INTS1: variants seen among roughly 807,000 people sequenced by gnomAD.
The protein encoded by INTS1 is integrator complex subunit 1.
Under a neutral mutation model 241.6 loss-of-function variants are expected in INTS1, and 137 were observed. That is an observed-to-expected ratio of 0.57 (90% CI 0.49 to 0.65). The LOEUF is 0.65. Among genes scored for constraint, INTS1 ranks in the 30% least tolerant of loss-of-function variants. The pLI, the probability that INTS1 is intolerant of heterozygous loss-of-function variation, is 0.00. For missense variants in INTS1, 3,073 were observed against 3,032.2 expected (o/e 1.01, Z -0.32); for synonymous variants, 1,692 against 1,337.8 (o/e 1.26, Z -5.78).
chr7:1,492,626 T>C (rs1782616443), intron 16 of INTS1, among the ~76,000 whole-genome samples: 1 of 152,264 alleles, frequency 6.6e-6, no homozygotes. Context: ...CATAAACTCG[T>C]TGTGTAAAAA....
intron 2 of INTS1, among the ~76,000 whole-genome samples, chr7:1,503,449 G>A (rs539964546): frequency 6.6e-6 from 1 of 152,090 alleles, no homozygotes; most frequent in Non-Finnish European, 1.5e-5. Context: ...AGTAACCCCC[G>A]CCCCGAGTTT....
In INTS1 at chr7:1,486,748, C is replaced by T. The variant is rs1782285352; in HGVS notation, c.2853G>A (p.Leu951=). ...CCAGTAGCAGGTCCTGCAGGCGGCCCAGCAGCTGCCGCTGCTTCTGTTGCC... is the reference window on the plus strand; with the variant it reads ...CCAGTAGCAGGTCCTGCAGGCGGCCTAGCAGCTGCCGCTGCTTCTGTTGCC... The part of the protein sequence containing the change: ...RQRQQKQRQL[L]GRLQDLLLGP... The change falls in exon 22 of 48, where the codon CTG becomes CTA. Residue 951 remains leucine, a synonymous_variant. Coordinates refer to ENST00000404767, the MANE Select transcript of INTS1 (RefSeq NM_001080453.3). 2 of 1,611,522 alleles carry T rather than the reference C, an allele frequency of 1.2e-6. No individual in the cohort carries two copies. The highest frequency in any genetic ancestry group is 1.7e-6 in the Non-Finnish European group (2 of 1,179,618).
intron 33 of INTS1, 59 bp downstream of exon 33, chr7:1,478,307 C>T: frequency 6.3e-7 from 1 of 1,585,900 alleles, no homozygotes; most frequent in Non-Finnish European, 8.6e-7. Context: ...TAGAAGGAGC[C>T]TCAGGTTTGG....
At chr7:1,483,705 C>T (rs1412736035) in intron 26 of INTS1, 37 bp downstream of exon 26, 2 of 1,543,378 alleles carry the variant, frequency 1.3e-6, no homozygotes, top group East Asian at 4.5e-5. Context: ...GCCCACCTGG[C>T]ACGAAGCTGC....
At chr7:1,487,636 A>G (rs2128539305) in intron 19 of INTS1, 124 bp downstream of exon 19, 1 of 1,325,410 alleles carries the variant, frequency 7.5e-7, no homozygotes. Context: ...GGGGCTCCAC[A>G]GGCCTTTCAG....
intron 31 of INTS1, 49 bp from the exon 32 acceptor site, chr7:1,478,934 G>A (rs559488431): frequency 3.2e-6 from 5 of 1,556,006 alleles, no homozygotes; most frequent in African/African-American, 2.7e-5. Flanking sequence ...GACACACGGG[G>A]ACCCGGCACC....
chr7:1,487,402 C>G lies in INTS1; in HGVS notation c.2564G>C (p.Ser855Thr), dbSNP rs1050653415. 3.7e-6 allele frequency: 6 copies of G among 1,612,118 alleles called. No homozygotes were observed. Among genetic ancestry groups the G allele is most frequent in the Non-Finnish European group, 5.1e-6 (6 of 1,179,498 alleles). The stretch of plus-strand genomic sequence containing the variant: ...CCCGAGGCGGAGGGACTGGTTGAGG[C>G]TTTTCACTTGATCCAGGATGTGAGG... ...PPPHILDQVK[S>T]LNQSLRLGHL... The change falls in exon 20 of 48, where the codon AGC becomes ACC. Residue 855 changes from serine (S) to threonine (T), a missense_variant. Physicochemically the swap from Ser to Thr is moderately conservative, Grantham distance 58 (BLOSUM62 1). Transcript: ENST00000404767.
chr7:1,501,498 C>T (rs1783179981), intron 3 of INTS1, among the ~76,000 whole-genome samples: 1 of 152,094 alleles, frequency 6.6e-6, no homozygotes, highest in Non-Finnish European at 1.5e-5. Context: ...GCAGCCATCT[C>T]TCTGTTTTGC....
intron 23 of INTS1, 37 bp from the exon 24 acceptor site, chr7:1,485,239 G>A (rs774105097): frequency 1.3e-6 from 2 of 1,597,754 alleles, no homozygotes; most frequent in Non-Finnish European, 1.7e-6. Flanking sequence ...AACAGGGCAG[G>A]GCTGCGGCCC....
In INTS1 at chr7:1,495,516, G is replaced by T; in HGVS notation, c.1749C>A (p.Ala583=). ...ACCAGACGGCATCCCGCTGGATGGC[G>T]GCAATCTGGTTCTGGAATGAGCGGA... ...EVLRSFQNQI[A]AIQRDAVWWL... The change falls in exon 13 of 48, where the codon GCC becomes GCA. Residue 583 remains alanine (A), a synonymous_variant. Coordinates refer to ENST00000404767, the MANE Select transcript of INTS1 (RefSeq NM_001080453.3). The T allele has an allele frequency of 6.2e-7, 1 of 1,612,420 alleles. No individual in the cohort carries two copies. Among genetic ancestry groups the T allele is most frequent in the South Asian group, 1.1e-5 (1 of 91,004 alleles).
Position 1,470,328 on chromosome 7 carries a change from T to C in INTS1, c.*249A>G. ...CCAGCCCAGGCCATGCCCGGGGGGA[T>C]CCGCCGCTCCGCGGCAGGGCTGTGG... On this transcript the variant is annotated 3_prime_UTR_variant, in exon 48 of 48. Coordinates refer to ENST00000404767, the MANE Select transcript of INTS1 (RefSeq NM_001080453.3). 2.1e-6 allele frequency: 1 copy of C among 469,806 alleles called. No individual in the cohort carries two copies. Among genetic ancestry groups the C allele is most frequent in the Non-Finnish European group, 3.7e-6 (1 of 267,292 alleles). The allele number at this position is 469,806 out of a possible 1,614,324, so 29.1% of individuals were successfully genotyped here.
rs1226977573 is a variant in INTS1 at position 1,486,966 on chromosome 7, C to T, written c.2782G>A (p.Asp928Asn). The change falls in exon 21 of 48, where the codon GAC becomes AAC. Residue 928 changes from aspartate (D) to asparagine (N), a missense_variant. Transcript: ENST00000404767. ...AVDDAASGEE[D>N]DEGESKEQKA... ...TGCTCCTTGCTCTCGCCCTCGTCGT[C>T]CTCCTCCCCGGAAGCAGCATCGTCC... is the stretch of plus-strand genomic sequence containing the variant. The T allele has an allele frequency of 6.2e-7, 1 of 1,608,058 alleles. No homozygotes were observed. Among genetic ancestry groups the T allele is most frequent in the Non-Finnish European group, 8.5e-7 (1 of 1,179,326 alleles).
At chr7:1,495,226 C>T (rs928551679) in intron 13 of INTS1, among the ~76,000 whole-genome samples, 4 of 152,264 alleles carry the variant, frequency 2.6e-5, no homozygotes, top group Admixed American at 2.0e-4. Context: ...CTGCCTGGAG[C>T]CTAACGGCTG....
In INTS1 at chr7:1,489,296, A is replaced by G. The variant is rs754597392; in HGVS notation, c.2318+48T>C. The G allele has an allele frequency of 8.9e-6, 14 of 1,572,900 alleles. No homozygotes were observed. In the African/African-American group the frequency reaches 1.8e-4, roughly 20 times the overall value. On this transcript the variant is annotated intron_variant, in intron 18 of 47. Coordinates refer to ENST00000404767, the MANE Select transcript of INTS1 (RefSeq NM_001080453.3). ...AACACAGCCCCAGCGGAACGAGACC[A>G]GGCCCTGCTCCCCATCCCGGGCCCG...
intron 40 of INTS1, 52 bp downstream of exon 40, chr7:1,474,653 A>AC (rs1281357022): frequency 1.6e-5 from 25 of 1,515,950 alleles, no homozygotes; most frequent in Non-Finnish European, 2.2e-5. Flanking sequence ...AGAGCCGCAG[A>AC]CCCCCCTGGT....
Position 1,499,448 on chromosome 7 carries a change from C to T in INTS1, c.844+25G>A, listed in dbSNP as rs541005458. On this transcript the variant is annotated intron_variant, in intron 6 of 47. Coordinates refer to ENST00000404767, the MANE Select transcript of INTS1 (RefSeq NM_001080453.3). ...CTGCCCTGGGGCTTGGACACCCGCC[C>T]TCTCTGGCTGGCCGTGTGTCTCACC... 1.2e-4 allele frequency: 193 copies of T among 1,578,640 alleles called. 5 individuals are homozygous for T. The South Asian group carries it at 2.0e-3, about 16-fold the overall frequency.
chr7:1,503,848 G>C (rs1264332338), intron 2 of INTS1, 55 bp downstream of exon 2: 1 of 1,240,086 alleles, frequency 8.1e-7, no homozygotes, highest in Non-Finnish European at 1.1e-6. Context: ...GATCCCCAAA[G>C]ACCCCCAAAG....
At position 1,486,544 on chromosome 7, in the gene INTS1, C is replaced by T. The variant is rs1000169688; in HGVS notation, c.2976+81G>A. 8.2e-6 allele frequency: 12 copies of T among 1,469,372 alleles called. No individual in the cohort carries two copies. The Admixed American group carries it at 1.7e-4, about 20-fold the overall frequency. The allele number at this position is 1,469,372 out of a possible 1,614,324, so 91.0% of individuals were successfully genotyped here. On this transcript the variant is annotated intron_variant, in intron 22 of 47. Coordinates refer to ENST00000404767, the MANE Select transcript of INTS1 (RefSeq NM_001080453.3). The stretch of plus-strand genomic sequence containing the variant: ...CCTCCCAAAGTGCTGGGATGACAGG[C>T]GTGAGCCACCGTGCCCGGTCCCCAG...
rs751800288 is a variant in INTS1, at chr7:1,504,341, G to A, written c.-60C>T. 4 of 516,718 alleles carry A rather than the reference G, an allele frequency of 7.7e-6. No individual in the cohort carries two copies. The highest frequency in any genetic ancestry group is 5.4e-5 in the East Asian group (1 of 18,554). The allele number at this position is 516,718 out of a possible 1,614,324, so 32.0% of individuals were successfully genotyped here. A position where few individuals can be genotyped will look rare whatever the true frequency, so the allele number is the denominator to read the frequency against. ...CACTTACCTCTGGCCCATCGCGACC[G>A]GAGCGCCGCCGCCGCCACCCGGCCA... On this transcript the variant is annotated 5_prime_UTR_variant, in exon 1 of 48. Transcript: ENST00000404767.
Sources: allele counts gnomAD v4.1 joint callset (sites outside exome capture counted in the v4.1 genomes callset), GRCh38; gene constraint gnomAD v4.1.1; transcripts MANE v1.5; gene names NCBI Gene and HGNC (gene_info 2026-07-23, HGNC 2026-07-21).